Variants in NLGN1 observed in about 807,000 individuals in gnomAD.
NLGN1 encodes neuroligin-1.
Under a neutral mutation model 65.5 loss-of-function variants are expected in NLGN1, and 12 were observed. The observed-to-expected ratio is 0.18, with a 90% CI of 0.12 to 0.30. The LOEUF (loss-of-function observed/expected upper bound fraction) is 0.30, where lower values mean the gene tolerates loss of function less well. Ranked by LOEUF, NLGN1 falls within the 10% of genes least tolerant of loss-of-function variation. The pLI, the probability that NLGN1 is intolerant of heterozygous loss-of-function variation, is 1.00. For missense variants in NLGN1, 750 were observed against 1,007.1 expected, an observed-to-expected ratio of 0.74 and a Z score of 3.46; for synonymous variants, 350 against 359.5, an observed-to-expected ratio of 0.97 and a Z score of 0.30.
intron 2 of NLGN1, among the ~76,000 whole-genome samples, chr3:173,496,338 G>T (rs1455602486): frequency 6.6e-6 from 1 of 151,750 alleles, no homozygotes; most frequent in Non-Finnish European, 1.5e-5. Context: ...ACAGGTGAAG[G>T]TTAGATTACT....
intron 2 of NLGN1, among the ~76,000 whole-genome samples, chr3:173,482,074 C>T (rs1727390073): frequency 6.6e-6 from 1 of 151,962 alleles, no homozygotes; most frequent in African/African-American, 2.4e-5. Context: ...CCTACATTGA[C>T]ATTGATCATT....
At chr3:173,597,459 G>C (rs945451316) in intron 2 of NLGN1, among the ~76,000 whole-genome samples, 1 of 152,152 alleles carries the variant, frequency 6.6e-6, no homozygotes, top group African/African-American at 2.4e-5. Context: ...TCACATAATT[G>C]TGGATGAATC....
intron 2 of NLGN1, among the ~76,000 whole-genome samples, chr3:173,587,291 T>G (rs553862279): frequency 2.4e-4 from 36 of 152,182 alleles, no homozygotes; most frequent in Non-Finnish European, 4.7e-4. Context: ...TTCTCTTTGT[T>G]ATAATCTACT....
chr3:173,458,927 A>G (rs1209792341), intron 2 of NLGN1, among the ~76,000 whole-genome samples: 1 of 152,084 alleles, frequency 6.6e-6, no homozygotes, highest in African/African-American at 2.4e-5. Context: ...CTAAGGAAGA[A>G]GCACCCTTTG....
At chr3:173,439,013 T>G (rs974758540) in intron 2 of NLGN1, among the ~76,000 whole-genome samples, 1 of 152,200 alleles carries the variant, frequency 6.6e-6, no homozygotes, top group African/African-American at 2.4e-5. Context: ...AAGATTTCCT[T>G]GGTCAAAACA....
chr3:173,648,064 A>G (rs1200535638), intron 3 of NLGN1, among the ~76,000 whole-genome samples: 1 of 152,118 alleles, frequency 6.6e-6, no homozygotes, highest in Non-Finnish European at 1.5e-5. Context: ...TCAAAGTCAT[A>G]TGGAAGTGCA....
At chr3:173,860,172 C>A (rs369059386) in intron 4 of NLGN1, among the ~76,000 whole-genome samples, 2 of 151,810 alleles carry the variant, frequency 1.3e-5, no homozygotes, top group African/African-American at 4.8e-5. Flanking sequence ...TTTCTAGTTT[C>A]TTTTTTTCAT....
intron 1 of NLGN1, among the ~76,000 whole-genome samples, chr3:173,410,059 G>A (rs1028694355): frequency 3.7e-4 from 57 of 152,266 alleles, no homozygotes; most frequent in African/African-American, 1.3e-3. Flanking sequence ...TTAATAGGTG[G>A]TACTGCTGCT....
intron 1 of NLGN1, among the ~76,000 whole-genome samples, chr3:173,405,121 G>A (rs1380054064): frequency 6.6e-6 from 1 of 152,038 alleles, no homozygotes; most frequent in African/African-American, 2.4e-5. Context: ...TCATAGCCAT[G>A]TTTTTCCACA....
chr3:173,604,860 C>G (rs780824820), exon 3 of NLGN1: 2 of 1,613,670 alleles, frequency 1.2e-6, no homozygotes, highest in African/African-American at 1.3e-5. Flanking sequence ...ATATGCAGCC[C>G]CACCAACAGG....
chr3:173,782,527 C>A (rs1287281506), intron 3 of NLGN1, among the ~76,000 whole-genome samples: 1 of 152,066 alleles, frequency 6.6e-6, no homozygotes, highest in South Asian at 2.1e-4. Context: ...ATAAAAGCTC[C>A]ATTTTATGAA....
At chr3:174,232,576 AC>A (rs1740928854) in intron 4 of NLGN1, among the ~76,000 whole-genome samples, 1 of 152,210 alleles carries the variant, frequency 6.6e-6, no homozygotes, top group Admixed American at 6.5e-5. Flanking sequence ...CTTCCCAAAT[AC>A]TTACAGAAAT....
intron 4 of NLGN1, among the ~76,000 whole-genome samples, chr3:174,159,330 G>A (rs1347840492): frequency 6.6e-6 from 1 of 151,672 alleles, no homozygotes; most frequent in African/African-American, 2.4e-5. Flanking sequence ...AGACAAATTA[G>A]TAAAGAGCCA....
intron 4 of NLGN1, among the ~76,000 whole-genome samples, chr3:174,041,748 G>C (rs1000440413): frequency 2.6e-4 from 39 of 151,712 alleles, no homozygotes; most frequent in Admixed American, 1.8e-3. Context: ...TTAATATATT[G>C]GCCATATATT....
chr3:174,209,103 T>A (rs982881225), intron 4 of NLGN1, among the ~76,000 whole-genome samples: 11 of 152,032 alleles, frequency 7.2e-5, no homozygotes, highest in African/African-American at 2.4e-4. Context: ...TGTATTTTTT[T>A]AATAGAAACA....
chr3:173,929,683 T>C (rs1374796057), intron 4 of NLGN1, among the ~76,000 whole-genome samples: 1 of 150,266 alleles, frequency 6.7e-6, no homozygotes, highest in Admixed American at 6.6e-5. Flanking sequence ...TAAGCTTTTT[T>C]TTTTCTTTTT....
chr3:174,013,134 T>G (rs1725873609), intron 4 of NLGN1, among the ~76,000 whole-genome samples: 1 of 152,204 alleles, frequency 6.6e-6, no homozygotes, highest in Non-Finnish European at 1.5e-5. Flanking sequence ...GTCTTCCAGA[T>G]AGCTCCTCCA....
intron 2 of NLGN1, among the ~76,000 whole-genome samples, chr3:173,560,882 A>G (rs1451548745): frequency 6.6e-6 from 1 of 152,178 alleles, no homozygotes; most frequent in African/African-American, 2.4e-5. Context: ...CTTTCTCTAC[A>G]CCCTATAAAT....
chr3:173,932,370 T>C (rs1212349379), intron 4 of NLGN1, among the ~76,000 whole-genome samples: 1 of 152,122 alleles, frequency 6.6e-6, no homozygotes, highest in African/African-American at 2.4e-5. Flanking sequence ...ATCACTAAGC[T>C]TGAGTTATAT....
Sources: allele counts gnomAD v4.1 joint callset (sites outside exome capture counted in the v4.1 genomes callset), GRCh38; gene constraint gnomAD v4.1.1; transcripts MANE v1.5; gene names NCBI Gene and HGNC (gene_info 2026-07-23, HGNC 2026-07-21).